The following FGGY variants were observed in gnomAD, a reference collection of about 807,000 sequenced individuals.
FGGY encodes the protein FGGY carbohydrate kinase domain containing, also known as FGGY carbohydrate kinase domain-containing protein.
A neutral mutation model predicts 71.3 loss-of-function variants in FGGY; 72 were observed. That is an observed-to-expected ratio of 1.01 (90% CI 0.84 to 1.23). The LOEUF (loss-of-function observed/expected upper bound fraction) is 1.23, where lower values mean the gene tolerates loss of function less well. Among genes scored for constraint, FGGY ranks in the 50% most tolerant of loss-of-function variants. The pLI, the probability that FGGY is intolerant of heterozygous loss-of-function variation, is 0.00. For missense variants in FGGY, 668 were observed against 682.3 expected, an observed-to-expected ratio of 0.98 and a Z score of 0.23; for synonymous variants, 251 against 250.3, an observed-to-expected ratio of 1.00 and a Z score of -0.02.
intron 11 of FGGY, among the ~76,000 whole-genome samples, chr1:59,648,685 C>A (rs2097124988): frequency 6.6e-6 from 1 of 150,620 alleles, no homozygotes; most frequent in Admixed American, 6.6e-5. Context: ...AAAATTTTCA[C>A]CCATTTTGTA....
chr1:59,545,283 G>A lies in FGGY; in HGVS notation c.800-8841G>A, dbSNP rs545527491. Among the ~76,000 whole-genome samples the A allele has an allele frequency of 6.4e-4, 98 of 152,244 alleles. No individual in the cohort carries two copies. In the South Asian group the frequency reaches 8.9e-3, roughly 14 times the overall value. On this transcript the variant is annotated intron_variant, in intron 7 of 15. Coordinates refer to ENST00000303721, the MANE Select transcript of FGGY (RefSeq NM_018291.5). Reference sequence around the variant, plus strand: ...TTTCAGGAAGCATTTGTGTGCCTTCGAGTCACAGTATTTGATCTATTTAAG... The same window carrying A: ...TTTCAGGAAGCATTTGTGTGCCTTCAAGTCACAGTATTTGATCTATTTAAG...
At position 59,659,866 on chromosome 1, in the gene FGGY, G is replaced by A; in HGVS notation, c.1222-353G>A. On this transcript the variant is annotated intron_variant, in intron 11 of 15. Transcript: ENST00000303721. ...ATCTTGTACTAGAATGCCACTGTTAGTGTTGATTTCTTGTAAGCCACAGAA... is the reference window on the plus strand; with the variant it reads ...ATCTTGTACTAGAATGCCACTGTTAATGTTGATTTCTTGTAAGCCACAGAA... 1.3e-5 allele frequency among the ~76,000 whole-genome samples: 2 copies of A among 152,200 alleles called. 1 individual carries two copies. The highest frequency in any genetic ancestry group is 1.3e-4 in the Admixed American group (2 of 15,280).
At position 59,541,036 on chromosome 1, in the gene FGGY, C is replaced by A. The variant is rs72917719; in HGVS notation, c.800-13088C>A. Among the ~76,000 whole-genome samples the A allele has an allele frequency of 6.6e-3, 1,007 of 152,238 alleles. 9 individuals are homozygous for A. The highest frequency in any genetic ancestry group is 0.023 in the African/African-American group (944 of 41,538). On this transcript the variant is annotated intron_variant, in intron 7 of 15. Coordinates refer to ENST00000303721, the MANE Select transcript of FGGY (RefSeq NM_018291.5). Reference sequence around the variant, plus strand: ...CAATCCATGTTAGTGATAGTGGTGGCAAGTAGGCTTTTTTATTTGTCTGTT... The same window carrying A: ...CAATCCATGTTAGTGATAGTGGTGGAAAGTAGGCTTTTTTATTTGTCTGTT...
At chr1:59,304,559 G>A (rs1049129869) in intron 1 of FGGY, among the ~76,000 whole-genome samples, 1 of 151,284 alleles carries the variant, frequency 6.6e-6, no homozygotes, top group Non-Finnish European at 1.5e-5. Flanking sequence ...AGTTTTTTGT[G>A]GTTCCATATG....
At chr1:59,513,645 T>C (rs533832898) in intron 7 of FGGY, among the ~76,000 whole-genome samples, 1 of 152,358 alleles carries the variant, frequency 6.6e-6, no homozygotes, top group South Asian at 2.1e-4. Context: ...GTCATTTCCA[T>C]TAGAGTGTGA....
In FGGY at chr1:59,491,890, G is replaced by C. The variant is rs540472335; in HGVS notation, c.671-20421G>C. Among the ~76,000 whole-genome samples the C allele has an allele frequency of 2.6e-5, 4 of 152,206 alleles. No homozygotes were observed. The South Asian group carries it at 6.2e-4, about 24-fold the overall frequency. On this transcript the variant is annotated intron_variant, in intron 6 of 15. Transcript: ENST00000303721. Reference sequence around the variant, plus strand: ...ACTCTTAAAACTTCAAAATTTTTCTGTATGTACTTTCCATCTTGTAAAGTT... The same window carrying C: ...ACTCTTAAAACTTCAAAATTTTTCTCTATGTACTTTCCATCTTGTAAAGTT...
upstream of FGGY, chr1:59,296,793 C>G (rs1265694419): frequency 6.5e-6 from 1 of 153,032 alleles, no homozygotes; most frequent in Non-Finnish European, 1.5e-5. Context: ...CGGGATCGCG[C>G]GCAAGGCGGG....
chr1:59,424,848 C>A (rs2066068179), intron 5 of FGGY, among the ~76,000 whole-genome samples: 1 of 152,146 alleles, frequency 6.6e-6, no homozygotes, highest in Non-Finnish European at 1.5e-5. Context: ...TCAAGGAGGG[C>A]TTCACACATA....
At chr1:59,678,966 A>G (rs2097464774) in intron 14 of FGGY, among the ~76,000 whole-genome samples, 1 of 152,172 alleles carries the variant, frequency 6.6e-6, no homozygotes, top group South Asian at 2.1e-4. Flanking sequence ...CACTGACTCC[A>G]TGCACTCTCA....
At chr1:59,634,612 A>G (rs1018464988) in intron 10 of FGGY, among the ~76,000 whole-genome samples, 2 of 152,140 alleles carry the variant, frequency 1.3e-5, no homozygotes, top group South Asian at 2.1e-4. Context: ...GGGAGAGGAC[A>G]TGAGAGATTT....
chr1:59,498,934 G>T (rs958118949), intron 6 of FGGY, among the ~76,000 whole-genome samples: 3 of 152,204 alleles, frequency 2.0e-5, no homozygotes, highest in African/African-American at 7.2e-5. Context: ...TGAGGTCATT[G>T]TCTGTGTGGT....
chr1:59,575,560 A>G (rs988187979), intron 8 of FGGY, among the ~76,000 whole-genome samples: 4 of 152,208 alleles, frequency 2.6e-5, no homozygotes, highest in African/African-American at 9.6e-5. Context: ...TGCAGTGAAC[A>G]TGAGAGTGCA....
intron 12 of FGGY, among the ~76,000 whole-genome samples, chr1:59,666,409 A>G (rs1311170425): frequency 6.6e-6 from 1 of 152,166 alleles, no homozygotes; most frequent in Admixed American, 6.5e-5. Flanking sequence ...CTTATCCCAA[A>G]TAAATTTTGA....
intron 6 of FGGY, among the ~76,000 whole-genome samples, chr1:59,506,756 G>A (rs911968016): frequency 6.6e-6 from 1 of 151,932 alleles, no homozygotes; most frequent in African/African-American, 2.4e-5. Context: ...CTGAGATTGT[G>A]CCACTGCACT....
At chr1:59,524,419 G>T (rs1406344738) in intron 7 of FGGY, among the ~76,000 whole-genome samples, 1 of 152,230 alleles carries the variant, frequency 6.6e-6, no homozygotes, top group Non-Finnish European at 1.5e-5. Context: ...GCCAGGGACA[G>T]TCCGAAGCCT....
At chr1:59,339,494 C>T (rs1482387236) in intron 2 of FGGY, among the ~76,000 whole-genome samples, 2 of 151,302 alleles carry the variant, frequency 1.3e-5, no homozygotes, top group South Asian at 2.1e-4. Flanking sequence ...GATGGAGTTT[C>T]GCTCTTGTTG....
At chr1:59,710,061 C>T (rs1029997732) in intron 14 of FGGY, among the ~76,000 whole-genome samples, 1 of 152,216 alleles carries the variant, frequency 6.6e-6, no homozygotes, top group Non-Finnish European at 1.5e-5. Context: ...AACCCTGCCA[C>T]CAACTCACAG....
intron 14 of FGGY, among the ~76,000 whole-genome samples, chr1:59,709,077 C>T (rs1260492356): frequency 6.6e-6 from 1 of 152,194 alleles, no homozygotes; most frequent in Non-Finnish European, 1.5e-5. Flanking sequence ...TACACACACA[C>T]GCGCGCGCGC....
intron 8 of FGGY, among the ~76,000 whole-genome samples, chr1:59,581,011 C>T (rs2096183991): frequency 6.6e-6 from 1 of 152,084 alleles, no homozygotes; most frequent in Non-Finnish European, 1.5e-5. Flanking sequence ...ATAAACTTTT[C>T]ATGTAATTTA....
Sources: gnomAD v4.1 joint callset for allele counts (sites outside exome capture counted in the v4.1 genomes callset) on GRCh38, gnomAD v4.1.1 for gene constraint, MANE v1.5 for transcripts, NCBI Gene and HGNC (gene_info 2026-07-23, HGNC 2026-07-21) for gene names.